ZFPM1: variants seen among roughly 807,000 people sequenced by gnomAD.
ZFPM1 encodes the protein zinc finger protein ZFPM1.
In ZFPM1, 28 loss-of-function variants were observed where a neutral mutation model predicts 46.3. The observed-to-expected ratio is 0.60, with a 90% CI of 0.45 to 0.83. The LOEUF (loss-of-function observed/expected upper bound fraction) is 0.83. Ranked by LOEUF, ZFPM1 falls within the 40% of genes least tolerant of loss-of-function variation. The pLI, the probability that ZFPM1 is intolerant of heterozygous loss-of-function variation, is 0.00. For missense variants in ZFPM1, 1,878 were observed against 1,432.4 expected (o/e 1.31, Z -5.02); for synonymous variants, 957 against 675.9 (o/e 1.42, Z -6.45).
At position 88,501,170 on chromosome 16, in the gene ZFPM1, A is replaced by G. The variant is rs796682409; in HGVS notation, c.268+12017A>G. On this transcript the variant is annotated intron_variant, in intron 3 of 9. Transcript: ENST00000319555. ...AGGTGCTGGTGATGATGGAGATAGC[A>G]GACATGGGTGCGGGGGCCCTCCCGC... Among the ~76,000 whole-genome samples the G allele has an allele frequency of 1.6e-3, 135 of 83,146 alleles. 1 individual carries two copies. Among genetic ancestry groups the G allele is most frequent in the African/African-American group, 6.1e-3 (115 of 18,760 alleles). 54.5% of individuals were successfully genotyped at this position (83,146 alleles called of 152,430 possible).
chr16:88,475,567 G>A (rs1433163641), intron 1 of ZFPM1, among the ~76,000 whole-genome samples: 3 of 152,104 alleles, frequency 2.0e-5, no homozygotes, highest in Admixed American at 6.5e-5. Context: ...AGAGCGAGCT[G>A]AGGCCTGAGA....
chr16:88,491,450 G>C (rs1246800030), intron 3 of ZFPM1, among the ~76,000 whole-genome samples: 1 of 152,246 alleles, frequency 6.6e-6, no homozygotes, highest in African/African-American at 2.4e-5. Context: ...TGGAGGAGGA[G>C]ACCCAGCCCG....
In ZFPM1 at chr16:88,460,125, G is replaced by A. The variant is rs761435723; in HGVS notation, c.40+6447G>A. 3.1e-4 allele frequency among the ~76,000 whole-genome samples: 47 copies of A among 152,186 alleles called. 1 individual carries two copies. The highest frequency in any genetic ancestry group is 1.2e-3 in the South Asian group (6 of 4,824). On this transcript the variant is annotated intron_variant, in intron 1 of 9. Transcript: ENST00000319555. Reference sequence around the variant, plus strand: ...GGGGCTTCCCTTTGGCGAAGGCAGCGAGGAGGGGCTGAGATGATGCTCCTG... The same window carrying A: ...GGGGCTTCCCTTTGGCGAAGGCAGCAAGGAGGGGCTGAGATGATGCTCCTG...
Position 88,534,455 on chromosome 16 carries a change from C to A in ZFPM1, c.2497C>A (p.Leu833Met). 1 of 1,497,356 alleles carries A rather than the reference C, an allele frequency of 6.7e-7. No individual in the cohort carries two copies. The allele number at this position is 1,497,356 out of a possible 1,614,324, so 92.8% of individuals were successfully genotyped here. ...GAGCTTCCACAGCCTCGAGGCCTAC[C>A]TGGCGCACAAGAAGTACTCGTGCCC... ...RVSFHSLEAYLAHKKYSCPAA... is the reference protein window; with the variant it reads ...RVSFHSLEAYMAHKKYSCPAA... The change falls in exon 10 of 10, where the codon CTG (leucine) becomes ATG (methionine). Residue 833 changes from leucine to methionine, a missense_variant. Transcript: ENST00000319555.
rs542155276 is a variant in ZFPM1 at position 88,472,000 on chromosome 16, C to A, written c.41-13939C>A. On this transcript the variant is annotated intron_variant, in intron 1 of 9. Coordinates refer to ENST00000319555, the MANE Select transcript of ZFPM1 (RefSeq NM_153813.3). The surrounding 1 kb of genome is among the most constrained non-coding windows in gnomAD (Gnocchi z 4.1). ...AGCCTGGGCCTCCCCGGTAGGAGCC[C>A]GGCAGGGCCAAACCCTGATGGGCAG... Among the ~76,000 whole-genome samples, 1 of 152,342 alleles carries A rather than the reference C, an allele frequency of 6.6e-6. No individual in the cohort carries two copies. The highest frequency in any genetic ancestry group is 2.1e-4 in the South Asian group (1 of 4,832).
intron 3 of ZFPM1, among the ~76,000 whole-genome samples, chr16:88,512,425 C>G (rs1390974133): frequency 6.6e-6 from 1 of 152,186 alleles, no homozygotes; most frequent in Non-Finnish European, 1.5e-5. Context: ...CAGGAATGTT[C>G]TGGAACCCGA....
chr16:88,465,827 G>A (rs889694229), intron 1 of ZFPM1, among the ~76,000 whole-genome samples: 25 of 152,346 alleles, frequency 1.6e-4, no homozygotes, highest in African/African-American at 5.1e-4. Context: ...GAGATCCGGC[G>A]CTGATGGAGC....
At chr16:88,520,686 TG>T in intron 4 of ZFPM1, among the ~76,000 whole-genome samples, 2 of 100,742 alleles carry the variant, frequency 2.0e-5, no homozygotes, top group African/African-American at 4.1e-5. Flanking sequence ...GGTGGATGGA[TG>T]GATTATTAGG....
At chr16:88,498,412 A>G (rs926518236) in intron 3 of ZFPM1, among the ~76,000 whole-genome samples, 1 of 152,286 alleles carries the variant, frequency 6.6e-6, no homozygotes, top group African/African-American at 2.4e-5. Flanking sequence ...GGGCCCTGGA[A>G]CCAGAAAGAA....
chr16:88,464,583 C>T (rs928482849), intron 1 of ZFPM1, among the ~76,000 whole-genome samples: 1 of 152,250 alleles, frequency 6.6e-6, no homozygotes, highest in Non-Finnish European at 1.5e-5. Context: ...CAAACATTTT[C>T]CCAGAAAGCA....
At chr16:88,496,639 G>C in intron 3 of ZFPM1, among the ~76,000 whole-genome samples, 1 of 151,976 alleles carries the variant, frequency 6.6e-6, no homozygotes. Context: ...CCTGGCCCAG[G>C]GTGGGCCACA....
At chr16:88,485,890 G>T in intron 1 of ZFPM1, 49 bp from the exon 2 acceptor site, 1 of 1,577,338 alleles carries the variant, frequency 6.3e-7, no homozygotes, top group South Asian at 1.1e-5. Context: ...GGAGGCAGGA[G>T]CTGTCCCCCC....
chr16:88,533,216 C>A lies in ZFPM1; in HGVS notation c.1258C>A (p.Leu420Met). 1.9e-6 allele frequency: 3 copies of A among 1,561,448 alleles called. No homozygotes were observed. Among genetic ancestry groups the A allele is most frequent in the East Asian group, 2.3e-5 (1 of 43,286 alleles). Reference sequence around the variant, plus strand: ...CCCCCTGGCCTCCGCGGACCTGGGCCTGGCGCCCACCCCATCGCCAGGACT... The same window carrying A: ...CCCCCTGGCCTCCGCGGACCTGGGCATGGCGCCCACCCCATCGCCAGGACT... ...QGPLASADLG[L>M]APTPSPGLDR... Residue 420 changes from leucine to methionine, a missense_variant, in exon 10 of 10, where the codon CTG becomes ATG. Transcript: ENST00000319555.
intron 3 of ZFPM1, among the ~76,000 whole-genome samples, chr16:88,510,859 G>A (rs1597263240): frequency 6.6e-6 from 1 of 152,222 alleles, no homozygotes; most frequent in East Asian, 1.9e-4. Context: ...ACGTTGGGAG[G>A]AGTAACTTGA....
At chr16:88,476,997 G>A (rs989671431) in intron 1 of ZFPM1, among the ~76,000 whole-genome samples, 14 of 152,268 alleles carry the variant, frequency 9.2e-5, no homozygotes, top group Non-Finnish European at 1.6e-4. Flanking sequence ...TTGGACGTGC[G>A]CACGCCCGTG....
At chr16:88,502,447 C>T (rs1385107743) in intron 3 of ZFPM1, among the ~76,000 whole-genome samples, 2 of 152,162 alleles carry the variant, frequency 1.3e-5, no homozygotes, top group African/African-American at 2.4e-5. Context: ...CCCCCAACCC[C>T]GTCCCTGTGC....
At chr16:88,486,981 G>C (rs1909268330) in intron 2 of ZFPM1, among the ~76,000 whole-genome samples, 2 of 152,296 alleles carry the variant, frequency 1.3e-5, no homozygotes, top group East Asian at 3.9e-4. Flanking sequence ...ACCCAGGTCT[G>C]GGTTTAGCCT....
intron 4 of ZFPM1, among the ~76,000 whole-genome samples, chr16:88,523,933 G>A (rs1451285332): frequency 2.0e-5 from 3 of 152,286 alleles, no homozygotes; most frequent in Non-Finnish European, 2.9e-5. Context: ...GGAACATGGC[G>A]CCTGCCCTCC....
chr16:88,532,571 T>C, intron 7 of ZFPM1, 43 bp from the exon 8 acceptor site: 1 of 1,538,772 alleles, frequency 6.5e-7, no homozygotes, highest in East Asian at 2.5e-5. Flanking sequence ...AGTCCCAAGG[T>C]TAAGCTGGCC....
Sources: allele counts gnomAD v4.1 joint callset (sites outside exome capture counted in the v4.1 genomes callset), GRCh38; gene constraint gnomAD v4.1.1; non-coding constraint Gnocchi (gnomAD v3.1); transcripts MANE v1.5; gene names NCBI Gene and HGNC (gene_info 2026-07-23, HGNC 2026-07-21).